The following SLC7A1 variants were observed in gnomAD, a reference collection of about 807,000 sequenced individuals.
The protein encoded by SLC7A1 is high affinity cationic amino acid transporter 1.
SLC7A1 carries 10 observed loss-of-function variants against 53.9 expected under a neutral mutation model. The observed-to-expected ratio is 0.19, with a 90% CI of 0.11 to 0.31. SLC7A1 has a LOEUF of 0.31. SLC7A1 is among the 10% of genes least tolerant of loss of function. The pLI is 1.00. For synonymous variants in SLC7A1, 342 were observed against 338.7 expected (o/e 1.01, Z -0.11); for missense variants, 525 against 827.2 (o/e 0.63, Z 4.48).
intron 1 of SLC7A1, among the ~76,000 whole-genome samples, chr13:29,579,435 AC>A (rs1174581334): frequency 2.0e-5 from 3 of 150,994 alleles, no homozygotes; most frequent in African/African-American, 2.4e-5. Flanking sequence ...ATCTTGGTTC[AC>A]TGCAACCTCC....
intron 5 of SLC7A1, among the ~76,000 whole-genome samples, chr13:29,526,470 C>T (rs1868898788): frequency 1.3e-5 from 2 of 151,906 alleles, no homozygotes; most frequent in African/African-American, 4.8e-5. Flanking sequence ...CCAGCCTGTG[C>T]AACACAGCAA....
intron 5 of SLC7A1, among the ~76,000 whole-genome samples, chr13:29,525,309 G>A (rs1868834304): frequency 6.6e-6 from 1 of 152,328 alleles, no homozygotes; most frequent in East Asian, 1.9e-4. Context: ...CTGTGCCAGG[G>A]TCCCACTGGC....
At chr13:29,585,744 G>A (rs978844554) in intron 1 of SLC7A1, among the ~76,000 whole-genome samples, 2 of 152,198 alleles carry the variant, frequency 1.3e-5, no homozygotes, top group Admixed American at 1.3e-4. Context: ...CCTGAAGGAG[G>A]AATGAAACAA....
At chr13:29,572,154 G>A (rs183881639) in intron 1 of SLC7A1, among the ~76,000 whole-genome samples, 12 of 152,320 alleles carry the variant, frequency 7.9e-5, no homozygotes, top group South Asian at 6.2e-4. Flanking sequence ...AGGGTGCAGC[G>A]GCCGCCTGTG....
chr13:29,524,102 AC>A, intron 6 of SLC7A1, 29 bp downstream of exon 6: 3 of 1,609,816 alleles, frequency 1.9e-6, no homozygotes, highest in Non-Finnish European at 2.5e-6. Flanking sequence ...GTGCAGGAGG[AC>A]CCGGGACCGC....
intron 1 of SLC7A1, among the ~76,000 whole-genome samples, chr13:29,587,369 A>T (rs1033217205): frequency 1.3e-5 from 2 of 152,216 alleles, no homozygotes; most frequent in Admixed American, 6.5e-5. Flanking sequence ...CACTACCTGC[A>T]CCAGTTTTAA....
chr13:29,530,275 T>C (rs1869088826), intron 5 of SLC7A1, among the ~76,000 whole-genome samples: 1 of 152,090 alleles, frequency 6.6e-6, no homozygotes, highest in African/African-American at 2.4e-5. Flanking sequence ...GATACACAAT[T>C]TGGAATTAGG....
chr13:29,522,449 C>T lies in SLC7A1; in HGVS notation c.1057G>A (p.Gly353Ser), dbSNP rs749018518. Residue 353 changes from glycine (G) to serine (S), a missense_variant, in exon 8 of 13, where the codon GGT becomes AGT. Transcript: ENST00000380752. The part of the protein sequence containing the change: ...SLCALSASLL[G>S]SMFPMPRVIY... ...ACCCGAGGCATGGGAAACATGGAACCTAGAAGACTAGATGGGGAGAGGCAA... is the reference window on the plus strand; with the variant it reads ...ACCCGAGGCATGGGAAACATGGAACTTAGAAGACTAGATGGGGAGAGGCAA... 2 of 1,614,156 alleles carry T rather than the reference C, an allele frequency of 1.2e-6. No homozygotes were observed. The highest frequency in any genetic ancestry group is 1.1e-5 in the South Asian group (1 of 91,080).
At chr13:29,516,660 A>C (rs1883566054) in intron 11 of SLC7A1, among the ~76,000 whole-genome samples, 1 of 152,144 alleles carries the variant, frequency 6.6e-6, no homozygotes, top group South Asian at 2.1e-4. Flanking sequence ...TCATGCATCA[A>C]CTTGAGCAGA....
chr13:29,581,555 T>G (rs1871646988), intron 1 of SLC7A1, among the ~76,000 whole-genome samples: 2 of 152,150 alleles, frequency 1.3e-5, no homozygotes, highest in African/African-American at 2.4e-5. Flanking sequence ...CAAATATAAG[T>G]CAGCTGCAAA....
intron 9 of SLC7A1, among the ~76,000 whole-genome samples, chr13:29,518,450 A>G (rs1868462360): frequency 6.6e-6 from 1 of 152,204 alleles, no homozygotes; most frequent in Non-Finnish European, 1.5e-5. Context: ...CCAGCTTTGA[A>G]ACACAGAGTT....
chr13:29,538,670 G>A (rs1392632549), intron 2 of SLC7A1, among the ~76,000 whole-genome samples: 1 of 152,226 alleles, frequency 6.6e-6, no homozygotes, highest in African/African-American at 2.4e-5. Context: ...TGGGGAATTA[G>A]CCAGATTTAT....
intron 12 of SLC7A1, among the ~76,000 whole-genome samples, chr13:29,515,045 A>AGCC (rs1017317503): frequency 3.0e-4 from 45 of 152,330 alleles, no homozygotes; most frequent in Middle Eastern, 3.4e-3. Context: ...GGAGACACTG[A>AGCC]GCCCCAGGAA....
At chr13:29,542,718 T>C (rs1314917387) in intron 2 of SLC7A1, among the ~76,000 whole-genome samples, 1 of 146,566 alleles carries the variant, frequency 6.8e-6, no homozygotes, top group Non-Finnish European at 1.5e-5. Context: ...TCCACGACCA[T>C]AAGAAAATTG....
chr13:29,545,010 C>T (rs917318056), intron 2 of SLC7A1, among the ~76,000 whole-genome samples: 9 of 151,964 alleles, frequency 5.9e-5, no homozygotes, highest in African/African-American at 1.7e-4. Context: ...CCACAGCACA[C>T]GCAGCAGTCA....
chr13:29,565,284 T>A (rs1870919898), intron 1 of SLC7A1, among the ~76,000 whole-genome samples: 1 of 152,114 alleles, frequency 6.6e-6, no homozygotes, highest in Non-Finnish European at 1.5e-5. Flanking sequence ...TGAAGATGCA[T>A]GAGTACAATA....
In SLC7A1 at chr13:29,553,837, G is replaced by A. The variant is rs1042592364; in HGVS notation, c.-91C>T. 1.3e-5 allele frequency: 2 copies of A among 152,166 alleles called. No homozygotes were observed. Among genetic ancestry groups the A allele is most frequent in the Admixed American group, 1.3e-4 (2 of 15,284 alleles). The allele number at this position is 152,166 out of a possible 1,614,324, so 9.4% of individuals were successfully genotyped here. A position where few individuals can be genotyped will look rare whatever the true frequency, so the allele number is the denominator to read the frequency against. On this transcript the variant is annotated 5_prime_UTR_variant, in exon 2 of 13. Transcript: ENST00000380752. ...TCTTGCAGCAAAGATGTCTCAGGAG[G>A]GATACAAGGAAGGTTTCAGAATCCT...
rs1198315232 is a variant in SLC7A1, at chr13:29,519,497, A to C, written c.1242T>G (p.Ile414Met). 3.0e-5 allele frequency: 49 copies of C among 1,613,702 alleles called. No individual in the cohort carries two copies. Among genetic ancestry groups the C allele is most frequent in the Non-Finnish European group, 4.0e-5 (47 of 1,179,774 alleles). ...CCAACGAGTAAGCCAGGAGAGTGCC[A>C]ATGGACATGAGGTCCACCAAGTCCT... ...DLKDLVDLMSIGTLLAYSLVA... is the reference protein window; with the variant it reads ...DLKDLVDLMSMGTLLAYSLVA... Residue 414 changes from isoleucine (I) to methionine (M), a missense_variant, in exon 9 of 13, where the codon ATT becomes ATG. Ile to Met is a conservative substitution (Grantham distance 10). Transcript: ENST00000380752.
Position 29,522,299 on chromosome 13 carries a change from A to C in SLC7A1, c.1189+18T>G. 6.2e-7 allele frequency: 1 copy of C among 1,613,718 alleles called. No homozygotes were observed. The highest frequency in any genetic ancestry group is 8.5e-7 in the Non-Finnish European group (1 of 1,179,576). On this transcript the variant is annotated intron_variant, in intron 8 of 12. Transcript: ENST00000380752. ...CATTGTTAAAACATTTCCATGTGAAATGAGTTCTAGTACTCACCAGCAACG... is the reference window on the plus strand; with the variant it reads ...CATTGTTAAAACATTTCCATGTGAACTGAGTTCTAGTACTCACCAGCAACG...
Sources: allele counts gnomAD v4.1 joint callset (sites outside exome capture counted in the v4.1 genomes callset), GRCh38; gene constraint gnomAD v4.1.1; transcripts MANE v1.5; gene names NCBI Gene and HGNC (gene_info 2026-07-23, HGNC 2026-07-21).